Variants in OTOG observed in about 807,000 individuals in gnomAD.
The protein encoded by OTOG is otogelin.
In OTOG, 296 loss-of-function variants were observed where a neutral mutation model predicts 313.8. The ratio of observed to expected loss-of-function variants is 0.94; its 90% CI spans 0.86 to 1.04. The LOEUF (loss-of-function observed/expected upper bound fraction) is 1.04. Ranked by LOEUF, OTOG falls within the 50% of genes least tolerant of loss-of-function variation. The pLI, the probability that OTOG is intolerant of heterozygous loss-of-function variation, is 0.00. For missense variants in OTOG, 3,948 were observed against 3,840.1 expected (o/e 1.03, Z -0.74); for synonymous variants, 1,533 against 1,554.9 (o/e 0.99, Z 0.33).
rs912536545 is a variant in OTOG, at chr11:17,570,410, A to G, written c.1955+20A>G. ...CTTCCTGTACGTAGCCCTGCCACGG[A>G]ACCCGAAGAAGAGGGGAAATGGGCC... On this transcript the variant is annotated intron_variant, in intron 17 of 55. Coordinates refer to ENST00000399397, the MANE Select transcript of OTOG (RefSeq NM_001292063.2). The G allele has an allele frequency of 2.6e-6, 4 of 1,549,092 alleles. No homozygotes were observed. The highest frequency in any genetic ancestry group is 2.7e-5 in the African/African-American group (2 of 73,028).
At chr11:17,627,044 T>C (rs186885467) in intron 39 of OTOG, among the ~76,000 whole-genome samples, 79 of 152,342 alleles carry the variant, frequency 5.2e-4, no homozygotes, top group African/African-American at 1.8e-3. Flanking sequence ...TTTCCAAATA[T>C]AAGATTATAT....
intron 46 of OTOG, 64 bp from the exon 47 acceptor site, chr11:17,635,546 C>A (rs1182439606): frequency 7.5e-7 from 1 of 1,327,242 alleles, no homozygotes; most frequent in Non-Finnish European, 1.1e-6. Context: ...CCCCCAGCAA[C>A]GTGCTGTGTG....
chr11:17,596,464 G>A (rs1853111805), intron 29 of OTOG, among the ~76,000 whole-genome samples: 1 of 152,180 alleles, frequency 6.6e-6, no homozygotes, highest in Admixed American at 6.5e-5. Context: ...ACCACCTATT[G>A]CCTGTTTTGC....
Position 17,610,889 on chromosome 11 carries a change from TCACATAGCACCCCCAGCAGCAGG to T in OTOG, c.5594_5616del (p.Ile1865SerfsTer20), listed in dbSNP as rs762967765. 6.5e-7 allele frequency: 1 copy of T among 1,550,268 alleles called. No individual in the cohort carries two copies. The highest frequency in any genetic ancestry group is 1.4e-5 in the African/African-American group (1 of 72,908). ...CAATGACCCAGGCGCACCCACCCAC[TCACATAGCACCCCCAGCAGCAGG>T]CACAGCTCCAGGCCTGCTGCTGGGA... On this transcript the variant is annotated frameshift_variant, in exon 36 of 56. Transcript: ENST00000399397. LOFTEE classifies it high-confidence loss of function.
In OTOG at chr11:17,612,252, G is replaced by T; in HGVS notation, c.6214G>T (p.Ala2072Ser). The part of the protein sequence containing the change: ...NQSQHCPQGA[A>S]PPRCGILGLA... Reference sequence around the variant, plus strand: ...GTCCCAGCACTGTCCCCAGGGTGCTGCTCCCCCTCGCTGTGGGATCCTGGG... The same window carrying T: ...GTCCCAGCACTGTCCCCAGGGTGCTTCTCCCCCTCGCTGTGGGATCCTGGG... Residue 2072 changes from alanine (A) to serine (S), a missense_variant, in exon 37 of 56, where the codon GCT (alanine) becomes TCT (serine). Coordinates refer to ENST00000399397, the MANE Select transcript of OTOG (RefSeq NM_001292063.2). The T allele has an allele frequency of 6.5e-7, 1 of 1,546,982 alleles. No individual in the cohort carries two copies. The highest frequency in any genetic ancestry group is 8.7e-7 in the Non-Finnish European group (1 of 1,146,946).
At chr11:17,598,270 G>A (rs1447195399) in intron 30 of OTOG, among the ~76,000 whole-genome samples, 1 of 152,156 alleles carries the variant, frequency 6.6e-6, no homozygotes, top group Admixed American at 6.5e-5. Context: ...TAATATTTCT[G>A]TAAAATAAAA....
In OTOG at chr11:17,634,061, C is replaced by T. The variant is rs1047728605; in HGVS notation, c.7268-8C>T. The T allele has an allele frequency of 6.5e-7, 1 of 1,542,346 alleles. No individual in the cohort carries two copies. Among genetic ancestry groups the T allele is most frequent in the Non-Finnish European group, 8.7e-7 (1 of 1,146,060 alleles). On this transcript the variant is annotated splice_polypyrimidine_tract_variant and splice_region_variant and intron_variant, in intron 43 of 55. Coordinates refer to ENST00000399397, the MANE Select transcript of OTOG (RefSeq NM_001292063.2). The stretch of plus-strand genomic sequence containing the variant: ...CAGTCCCTCGCACCCTGCCATTCCC[C>T]TCTGCAGCCTGCACTGACAGCATGG...
Position 17,612,606 on chromosome 11 carries a change from T to C in OTOG, c.6293-14T>C. On this transcript the variant is annotated splice_polypyrimidine_tract_variant and intron_variant, in intron 37 of 55. Transcript: ENST00000399397. ...GCATCCACCTATTCTTCTTGTGCCC[T>C]GCCCCTCCCCCAGGCCGGTGCTCAA... The C allele has an allele frequency of 6.5e-7, 1 of 1,548,000 alleles. No individual in the cohort carries two copies. The highest frequency in any genetic ancestry group is 8.7e-7 in the Non-Finnish European group (1 of 1,145,556).
chr11:17,645,813 G>A lies in OTOG; in HGVS notation c.8611G>A (p.Ala2871Thr), dbSNP rs1341400906. ...CTACAACTACAACATCAACACCTAT[G>A]CCCGATTCTGCAAGTGCTGCCGTGA... ...SIYNYNINTY[A>T]RFCKCCREVG... is the part of the protein sequence containing the mutation. Residue 2871 changes from alanine to threonine, a missense_variant, in exon 56 of 56, where the codon GCC becomes ACC. Physicochemically the swap from Ala to Thr is moderately conservative, Grantham distance 58 (BLOSUM62 0). Transcript: ENST00000399397. 17 of 1,551,076 alleles carry A rather than the reference G, an allele frequency of 1.1e-5. No homozygotes were observed. The highest frequency in any genetic ancestry group is 1.4e-5 in the Non-Finnish European group (16 of 1,147,092).
At position 17,609,932 on chromosome 11, in the gene OTOG, C is replaced by T. The variant is rs1267915500; in HGVS notation, c.4632C>T (p.Gly1544=). The change falls in exon 36 of 56, where the codon GGC becomes GGT. Residue 1544 remains glycine (G), a synonymous_variant. Coordinates refer to ENST00000399397, the MANE Select transcript of OTOG (RefSeq NM_001292063.2). ...LELTASQLPA[G]PTESPASKGV... ...TCACTGCATCTCAACTCCCCGCCGG[C>T]CCCACGGAGTCCCCAGCCAGCAAGG... The T allele has an allele frequency of 1.4e-5, 22 of 1,532,438 alleles. No homozygotes were observed. Among genetic ancestry groups the T allele is most frequent in the Non-Finnish European group, 1.9e-5 (22 of 1,136,676 alleles). The allele number at this position is 1,532,438 out of a possible 1,614,324, so 94.9% of individuals were successfully genotyped here.
intron 24 of OTOG, among the ~76,000 whole-genome samples, chr11:17,590,775 C>T (rs1449645957): frequency 2.0e-5 from 3 of 152,190 alleles, no homozygotes; most frequent in Non-Finnish European, 4.4e-5. Context: ...TGTTGTCTCC[C>T]GAGTGTTCCC....
intron 16 of OTOG, among the ~76,000 whole-genome samples, chr11:17,569,978 A>G (rs1244851843): frequency 6.6e-6 from 1 of 152,182 alleles, no homozygotes; most frequent in Non-Finnish European, 1.5e-5. Context: ...GCTAAAAAAA[A>G]TTTCTTAGCC....
intron 31 of OTOG, 140 bp downstream of exon 31, chr11:17,599,837 C>A: frequency 1.0e-6 from 1 of 989,558 alleles, no homozygotes. Context: ...CCCCATCATG[C>A]AGAGAGAGCC....
At position 17,561,090 on chromosome 11, in the gene OTOG, G is replaced by C; in HGVS notation, c.1452-1G>C. On this transcript the variant is annotated splice_acceptor_variant, in intron 13 of 55. Coordinates refer to ENST00000399397, the MANE Select transcript of OTOG (RefSeq NM_001292063.2). LOFTEE classifies it high-confidence loss of function. ...TTGCCTCCTTGGTCTCTGTGTTTTAGCACATGCACCTCAGGCAAGTGGGAG... is the reference window on the plus strand; with the variant it reads ...TTGCCTCCTTGGTCTCTGTGTTTTACCACATGCACCTCAGGCAAGTGGGAG... 1.3e-6 allele frequency: 2 copies of C among 1,550,576 alleles called. No individual in the cohort carries two copies. The highest frequency in any genetic ancestry group is 1.7e-6 in the Non-Finnish European group (2 of 1,146,966).
chr11:17,551,544 G>A (rs1455595930), intron 3 of OTOG, among the ~76,000 whole-genome samples: 4 of 152,040 alleles, frequency 2.6e-5, no homozygotes, highest in Non-Finnish European at 5.9e-5. Context: ...TTGGGGTGGG[G>A]GTGGCTGTGG....
chr11:17,634,729 G>T, intron 44 of OTOG, 115 bp from the exon 45 acceptor site: 2 of 821,044 alleles, frequency 2.4e-6, no homozygotes, highest in Non-Finnish European at 3.9e-6. Flanking sequence ...CTGGGGGCTG[G>T]GGGGAGGAGT....
intron 24 of OTOG, among the ~76,000 whole-genome samples, chr11:17,588,303 T>C (rs149267140): frequency 6.6e-6 from 1 of 152,204 alleles, no homozygotes; most frequent in Non-Finnish European, 1.5e-5. Flanking sequence ...TGCTCTCCCG[T>C]GGGGAGGCAG....
chr11:17,567,392 C>G (rs919843087), intron 15 of OTOG, among the ~76,000 whole-genome samples: 2 of 152,250 alleles, frequency 1.3e-5, no homozygotes, highest in Non-Finnish European at 2.9e-5. Context: ...TTCACTGTGT[C>G]ACTCTCCTGG....
chr11:17,608,334 T>A lies in OTOG; in HGVS notation c.4195T>A (p.Trp1399Arg). Residue 1399 changes from tryptophan (W) to arginine (R), a missense_variant, in exon 34 of 56, where the codon TGG (tryptophan) becomes AGG (arginine). By Grantham distance (101) the Trp-to-Arg change is moderately radical (BLOSUM62 -3). Transcript: ENST00000399397. ...GGGGGCTGCCTACCCCATCTGCGAG[T>A]GGCGCTACGATGCCTGTGCCAGCCC... The part of the protein sequence containing the change: ...PSGAAYPICE[W>R]RYDACASPCF... 6.5e-7 allele frequency: 1 copy of A among 1,546,520 alleles called. No homozygotes were observed. Among genetic ancestry groups the A allele is most frequent in the Non-Finnish European group, 8.7e-7 (1 of 1,145,484 alleles).
Sources: allele counts gnomAD v4.1 joint callset (sites outside exome capture counted in the v4.1 genomes callset), GRCh38; gene constraint gnomAD v4.1.1; transcripts MANE v1.5; gene names NCBI Gene and HGNC (gene_info 2026-07-23, HGNC 2026-07-21).